The following ABLIM1 variants were observed in gnomAD, a reference collection of about 807,000 sequenced individuals.
ABLIM1 encodes actin binding LIM protein 1.
ABLIM1 carries 40 observed loss-of-function variants against 107.0 expected under a neutral mutation model. That is an observed-to-expected ratio of 0.37 (90% CI 0.29 to 0.49). The LOEUF (loss-of-function observed/expected upper bound fraction) is 0.49. Among genes scored for constraint, ABLIM1 ranks in the 20% least tolerant of loss-of-function variants. The pLI is 0.97. For synonymous variants in ABLIM1, 357 were observed against 357.3 expected (o/e 1.00, Z 0.01); for missense variants, 857 against 1,008.5 (o/e 0.85, Z 2.04).
chr10:114,637,035 T>TAAAAA (rs3061732), intron 1 of ABLIM1, among the ~76,000 whole-genome samples: 3 of 104,034 alleles, frequency 2.9e-5, no homozygotes, highest in South Asian at 3.7e-4. Context: ...GCTGTCTCTT[T>TAAAAA]AAAAAAAAAA....
In ABLIM1 at chr10:114,522,026, G is replaced by A. The variant is rs137945860; in HGVS notation, c.894+22979C>T. Among the ~76,000 whole-genome samples, 748 of 152,238 alleles carry A rather than the reference G, an allele frequency of 4.9e-3. 5 individuals carry two copies. The highest frequency in any genetic ancestry group is 0.016 in the African/African-American group (679 of 41,528). On this transcript the variant is annotated intron_variant, in intron 6 of 22. Transcript: ENST00000533213. ...AATGAGAAGGAAGCCAAGATCTGGA[G>A]GAAGAATGTGCCAGGCTCAGGGAGC...
Position 114,487,964 on chromosome 10 carries a change from C to A in ABLIM1, c.1035G>T (p.Lys345Asn). Reference sequence around the variant, plus strand: ...GTTTTAATTGTGTCCTTACCCGCAGCTTTTCCTCGGTCTTCGTAGATTGCT... The same window carrying A: ...GTTTTAATTGTGTCCTTACCCGCAGATTTTCCTCGGTCTTCGTAGATTGCT... ...DCKQSTKTEE[K>N]LRPTRTSSES... Residue 345 changes from lysine (K) to asparagine (N), a missense_variant, in exon 8 of 23, where the codon AAG (lysine) becomes AAT (asparagine). This residue lies in a region of ABLIM1 where 381 missense variants were observed against 506.9 expected (regional missense o/e 0.75). Transcript: ENST00000533213. The A allele has an allele frequency of 2.5e-6, 4 of 1,614,170 alleles. No homozygotes were observed. Among genetic ancestry groups the A allele is most frequent in the Non-Finnish European group, 3.4e-6 (4 of 1,180,026 alleles).
At chr10:114,542,776 G>C (rs1261483138) in intron 6 of ABLIM1, among the ~76,000 whole-genome samples, 2 of 152,160 alleles carry the variant, frequency 1.3e-5, no homozygotes, top group Non-Finnish European at 2.9e-5. Flanking sequence ...GGAGGGATGA[G>C]GGATGGACTC....
At chr10:114,526,166 A>G (rs2064702268) in intron 6 of ABLIM1, among the ~76,000 whole-genome samples, 1 of 152,178 alleles carries the variant, frequency 6.6e-6, no homozygotes, top group Non-Finnish European at 1.5e-5. Context: ...TAAAGAAAAA[A>G]AAATCTCATA....
chr10:114,458,987 T>G (rs1212690590), intron 12 of ABLIM1, among the ~76,000 whole-genome samples: 3 of 152,190 alleles, frequency 2.0e-5, no homozygotes, highest in Admixed American at 2.0e-4. Context: ...CAACAATGGA[T>G]GTTATGGAAA....
chr10:114,468,457 G>T lies in ABLIM1; in HGVS notation c.1276-241C>A, dbSNP rs1453807231. On this transcript the variant is annotated intron_variant, in intron 10 of 22. Coordinates refer to ENST00000533213, the MANE Select transcript of ABLIM1 (RefSeq NM_002313.7). ...CCCAGCTACTTTTTTTGTATTTTTA[G>T]TAGAGATGGGGTTTCACTGCGTTAG... 3.9e-5 allele frequency among the ~76,000 whole-genome samples: 6 copies of T among 152,064 alleles called. No homozygotes were observed. The South Asian group carries it at 1.0e-3, about 26-fold the overall frequency.
At chr10:114,594,610 C>T (rs1273395331) in intron 2 of ABLIM1, among the ~76,000 whole-genome samples, 1 of 152,022 alleles carries the variant, frequency 6.6e-6, no homozygotes, top group Non-Finnish European at 1.5e-5. Flanking sequence ...ATTATCTGGG[C>T]ATGGTGGCGA....
At chr10:114,462,849 A>T (rs1017508844) in intron 12 of ABLIM1, among the ~76,000 whole-genome samples, 2 of 152,114 alleles carry the variant, frequency 1.3e-5, no homozygotes, top group Non-Finnish European at 2.9e-5. Flanking sequence ...GAGCCCTTAG[A>T]AGTGACATAT....
At chr10:114,751,899 T>C (rs1429768451) in intron 1 of ABLIM1, among the ~76,000 whole-genome samples, 1 of 152,200 alleles carries the variant, frequency 6.6e-6, no homozygotes, top group Non-Finnish European at 1.5e-5. Context: ...CATCGCAAGC[T>C]ACTTGGAAAT....
At chr10:114,464,370 G>T (rs1198864169) in intron 12 of ABLIM1, among the ~76,000 whole-genome samples, 3 of 152,012 alleles carry the variant, frequency 2.0e-5, no homozygotes, top group South Asian at 4.2e-4. Flanking sequence ...ATTTTTAGTA[G>T]AGACAGGGTT....
At chr10:114,690,438 G>A (rs184061886) in intron 1 of ABLIM1, 309 of 1,603,508 alleles carry the variant, frequency 1.9e-4, no homozygotes, top group African/African-American at 1.5e-3. Flanking sequence ...ATTATGGCGT[G>A]TGAAGTCACC....
In ABLIM1 at chr10:114,575,639, C is replaced by T. The variant is rs774209217; in HGVS notation, c.380-40G>A. On this transcript the variant is annotated intron_variant, in intron 2 of 22. Coordinates refer to ENST00000533213, the MANE Select transcript of ABLIM1 (RefSeq NM_002313.7). ...GTTCACATCTGGTCATTATCTGCCA[C>T]ACTGCCGGGCAGCACTGCCTTTGAG... 4.4e-6 allele frequency: 7 copies of T among 1,583,366 alleles called. No individual in the cohort carries two copies. In the South Asian group the frequency reaches 8.1e-5, roughly 18 times the overall value.
chr10:114,663,499 C>G (rs557592934), intron 1 of ABLIM1, among the ~76,000 whole-genome samples: 1 of 152,196 alleles, frequency 6.6e-6, no homozygotes, highest in Non-Finnish European at 1.5e-5. Context: ...GTAGCCAATA[C>G]TTGAAAAGGC....
chr10:114,737,139 C>A (rs548309827), intron 1 of ABLIM1, among the ~76,000 whole-genome samples: 3 of 152,082 alleles, frequency 2.0e-5, no homozygotes, highest in Non-Finnish European at 4.4e-5. Context: ...GCCTGGCCAA[C>A]ATGGGAAAAC....
At chr10:114,689,206 C>A (rs1420757885), upstream of ABLIM1, among the ~76,000 whole-genome samples, 1 of 152,150 alleles carries the variant, frequency 6.6e-6, no homozygotes, top group African/African-American at 2.4e-5. Context: ...GCAGAAGACC[C>A]AGCTTCGTGT....
At chr10:114,690,271 C>T in intron 1 of ABLIM1, 1 of 1,543,164 alleles carries the variant, frequency 6.5e-7, no homozygotes, top group Non-Finnish European at 8.9e-7. Flanking sequence ...ACATGCTTGC[C>T]ATCCAACCAC....
In ABLIM1 at chr10:114,700,491, A is replaced by AACACACACACACACAC. The variant is rs149691121; in HGVS notation, c.-213+67554_-213+67569dup. On this transcript the variant is annotated intron_variant, in intron 1 of 15. Coordinates refer to the ABLIM1 transcript ENST00000651092. Reference sequence around the variant, plus strand: ...GCCTAGGATTGCCAAAAACAATTAAAACACACACACACACACACACACACA... The same window carrying AACACACACACACACAC: ...GCCTAGGATTGCCAAAAACAATTAAAACACACACACACACACACACACACACACACACACACACACA... Among the ~76,000 whole-genome samples the AACACACACACACACAC allele has an allele frequency of 1.2e-3, 176 of 148,550 alleles. 1 individual carries two copies. The highest frequency in any genetic ancestry group is 4.0e-3 in the African/African-American group (162 of 40,652).
intron 11 of ABLIM1, 59 bp downstream of exon 11, chr10:114,468,122 A>C: frequency 6.8e-7 from 1 of 1,464,824 alleles, no homozygotes; most frequent in South Asian, 1.1e-5. Flanking sequence ...CAGTCTAGGG[A>C]AGGGCCAAGC....
intron 1 of ABLIM1, among the ~76,000 whole-genome samples, chr10:114,637,803 C>T (rs2078554777): frequency 6.6e-6 from 1 of 152,190 alleles, no homozygotes; most frequent in South Asian, 2.1e-4. Flanking sequence ...AGCCTAACTT[C>T]AGACTCACGA....
Sources: gnomAD v4.1 joint callset for allele counts (sites outside exome capture counted in the v4.1 genomes callset) on GRCh38, gnomAD v4.1.1 for gene constraint, gnomAD v4.1.1 regional missense constraint, MANE v1.5 for transcripts, NCBI Gene and HGNC (gene_info 2026-07-23, HGNC 2026-07-21) for gene names.